Variants in DIAPH2 observed in about 807,000 individuals in gnomAD.
The protein encoded by DIAPH2 is diaphanous related formin 2.
Under a neutral mutation model 92.7 loss-of-function variants are expected in DIAPH2, and 35 were observed. That is an observed-to-expected ratio of 0.38 (90% CI 0.29 to 0.50). DIAPH2 has a LOEUF of 0.50. Ranked by LOEUF, DIAPH2 falls within the 20% of genes least tolerant of loss-of-function variation. DIAPH2 has a pLI of 0.94. For missense variants in DIAPH2, 701 were observed against 819.5 expected (o/e 0.86, Z 1.77); for synonymous variants, 301 against 280.4 (o/e 1.07, Z -0.73).
At chrX:97,263,803 T>C (rs2068309667) in intron 23 of DIAPH2, among the ~76,000 whole-genome samples, 1 of 109,455 alleles carries the variant, frequency 9.1e-6, no homozygotes, top group African/African-American at 3.3e-5. Context: ...GCCAGGCTGG[T>C]CTCGAACTCC....
At chrX:96,888,237 T>G (rs2065277963) in intron 5 of DIAPH2, among the ~76,000 whole-genome samples, 1 of 109,003 alleles carries the variant, frequency 9.2e-6, no homozygotes, top group South Asian at 3.9e-4. Context: ...ATTTTTATAT[T>G]TTTAGTAAAG....
At chrX:97,126,432 C>T (rs1001824449) in intron 21 of DIAPH2, among the ~76,000 whole-genome samples, 8 of 112,122 alleles carry the variant, frequency 7.1e-5, no homozygotes, top group African/African-American at 2.6e-4. Flanking sequence ...TATTTATATA[C>T]ATTTAACGAC....
intron 26 of DIAPH2, among the ~76,000 whole-genome samples, chrX:97,589,709 A>C (rs1171819741): frequency 8.9e-6 from 1 of 112,326 alleles, no homozygotes; most frequent in Non-Finnish European, 1.9e-5. Context: ...GTCCCAATAG[A>C]TGTAAATGTC....
At chrX:97,082,659 A>G (rs1381030731) in intron 19 of DIAPH2, among the ~76,000 whole-genome samples, 1 of 110,747 alleles carries the variant, frequency 9.0e-6, no homozygotes, top group Non-Finnish European at 1.9e-5. Flanking sequence ...CAAACAAACA[A>G]AAACAAGTGT....
intron 4 of DIAPH2, among the ~76,000 whole-genome samples, chrX:96,765,916 T>A (rs758232357): frequency 1.8e-5 from 2 of 111,438 alleles, no homozygotes; most frequent in Non-Finnish European, 3.8e-5. Flanking sequence ...TGCCGTTTTC[T>A]TCTTTAGTGT....
intron 26 of DIAPH2, among the ~76,000 whole-genome samples, chrX:97,582,762 CAG>C (rs1253394309): frequency 9.0e-6 from 1 of 111,151 alleles, no homozygotes; most frequent in African/African-American, 3.3e-5. Flanking sequence ...TAATATCCTG[CAG>C]AGTGTTTTCC....
chrX:97,079,725 A>G (rs920187917), intron 19 of DIAPH2, among the ~76,000 whole-genome samples: 1 of 111,051 alleles, frequency 9.0e-6, no homozygotes, highest in African/African-American at 3.3e-5. Context: ...TCTGGGGACT[A>G]TACATGTCAA....
chrX:97,332,304 A>C (rs1171368794), intron 23 of DIAPH2, among the ~76,000 whole-genome samples: 3 of 111,953 alleles, frequency 2.7e-5, no homozygotes, highest in African/African-American at 9.7e-5. Context: ...AATTCCACAG[A>C]TCATCTTGTA....
chrX:97,040,203 G>T (rs1472729179), intron 17 of DIAPH2, among the ~76,000 whole-genome samples: 2 of 104,362 alleles, frequency 1.9e-5, no homozygotes, highest in Non-Finnish European at 2.0e-5. Flanking sequence ...CCCAGATGAT[G>T]GTATGTGTGG....
chrX:96,685,993 G>C (rs2063768755), intron 1 of DIAPH2, among the ~76,000 whole-genome samples: 1 of 112,118 alleles, frequency 8.9e-6, no homozygotes. Context: ...GATGAGGCCT[G>C]GTATTGCATT....
chrX:96,801,899 G>T (rs1003669074), intron 4 of DIAPH2, among the ~76,000 whole-genome samples: 2 of 111,246 alleles, frequency 1.8e-5, no homozygotes, highest in Non-Finnish European at 3.8e-5. Context: ...TTATTGAAGG[G>T]ATACATACAC....
At chrX:97,013,502 G>C (rs763813352) in intron 17 of DIAPH2, among the ~76,000 whole-genome samples, 1 of 112,159 alleles carries the variant, frequency 8.9e-6, no homozygotes, top group Non-Finnish European at 1.9e-5. Flanking sequence ...AAAGATGGCT[G>C]TACAACAGAC....
chrX:97,579,274 A>G (rs2071421242), intron 26 of DIAPH2, among the ~76,000 whole-genome samples: 1 of 110,350 alleles, frequency 9.1e-6, no homozygotes, highest in Non-Finnish European at 1.9e-5. Flanking sequence ...GGTAATGCCT[A>G]GGTTTTCTTG....
intron 25 of DIAPH2, among the ~76,000 whole-genome samples, chrX:97,404,440 G>T (rs1199366084): frequency 9.0e-6 from 1 of 111,472 alleles, no homozygotes; most frequent in African/African-American, 3.3e-5. Flanking sequence ...TACATAGACA[G>T]ACCTGAGTTA....
chrX:97,059,617 A>T (rs1248064463), intron 17 of DIAPH2, among the ~76,000 whole-genome samples: 1 of 112,526 alleles, frequency 8.9e-6, no homozygotes, highest in African/African-American at 3.2e-5. Flanking sequence ...TGTACTTTAT[A>T]TTGTATTTTA....
At chrX:97,295,106 T>C (rs2068632624) in intron 23 of DIAPH2, among the ~76,000 whole-genome samples, 1 of 111,758 alleles carries the variant, frequency 8.9e-6, no homozygotes, top group Non-Finnish European at 1.9e-5. Context: ...ATAAACTCAT[T>C]CATCTTCCTC....
intron 22 of DIAPH2, among the ~76,000 whole-genome samples, chrX:97,149,960 TTAAAA>T (rs1301694807): frequency 1.8e-5 from 2 of 110,367 alleles, no homozygotes; most frequent in Non-Finnish European, 3.8e-5. Context: ...ATGACTGTCT[TTAAAA>T]TAAGAGAAAA....
intron 5 of DIAPH2, among the ~76,000 whole-genome samples, chrX:96,887,976 T>A (rs1021934237): frequency 5.4e-5 from 6 of 110,585 alleles, no homozygotes; most frequent in Middle Eastern, 4.8e-3. Flanking sequence ...TGTATGTGTG[T>A]GTGTGTATGT....
intron 26 of DIAPH2, among the ~76,000 whole-genome samples, chrX:97,597,121 C>CTT (rs1435968700): frequency 9.0e-6 from 1 of 111,348 alleles, no homozygotes; most frequent in Non-Finnish European, 1.9e-5. Context: ...AGAATTGCTT[C>CTT]TTATAATTAT....
Sources: gnomAD v4.1 joint callset for allele counts (sites outside exome capture counted in the v4.1 genomes callset) on GRCh38, gnomAD v4.1.1 for gene constraint, MANE v1.5 for transcripts, NCBI Gene and HGNC (gene_info 2026-07-23, HGNC 2026-07-21) for gene names.